The following GULP1 variants were observed in gnomAD, a reference collection of about 807,000 sequenced individuals.
GULP1 encodes the protein GULP PTB domain containing engulfment adaptor 1.
In GULP1, 19 loss-of-function variants were observed where a neutral mutation model predicts 40.9. The ratio of observed to expected loss-of-function variants is 0.46; its 90% CI spans 0.32 to 0.68. GULP1 has a LOEUF of 0.68. GULP1 is among the 30% of genes least tolerant of loss of function. GULP1 has a pLI of 0.03. For missense variants in GULP1, 312 were observed against 362.2 expected (o/e 0.86, Z 1.12); for synonymous variants, 119 against 117.6 (o/e 1.01, Z -0.08).
At chr2:188,524,910 T>A (rs2153229186) in intron 5 of GULP1, among the ~76,000 whole-genome samples, 1 of 151,890 alleles carries the variant, frequency 6.6e-6, no homozygotes, top group African/African-American at 2.4e-5. Flanking sequence ...ATTTACTCCT[T>A]TTTCAGCAAT....
rs1694770926 is a variant in GULP1, at chr2:188,556,386, T to C, written c.400-12853T>C. ...GTCCTTAAGTTCTAGAATTTCTCTT[T>C]CGTTCTTCTAAAACATATCTATCTC... On this transcript the variant is annotated intron_variant, in intron 7 of 11. Transcript: ENST00000409830. Among the ~76,000 whole-genome samples, 3 of 152,156 alleles carry C rather than the reference T, an allele frequency of 2.0e-5. No homozygotes were observed. In the South Asian group the frequency reaches 6.2e-4, roughly 32 times the overall value.
intron 4 of GULP1, among the ~76,000 whole-genome samples, chr2:188,514,393 C>T (rs755926307): frequency 4.6e-5 from 7 of 151,988 alleles, no homozygotes; most frequent in Non-Finnish European, 8.8e-5. Flanking sequence ...TGTCCTTCAG[C>T]TTAAAGTTGC....
chr2:188,544,705 A>T (rs1691446991), intron 7 of GULP1, among the ~76,000 whole-genome samples: 1 of 151,914 alleles, frequency 6.6e-6, no homozygotes. Flanking sequence ...AAGATTATAG[A>T]CTCAATAAAC....
intron 1 of GULP1, among the ~76,000 whole-genome samples, chr2:188,353,742 A>G (rs1212629466): frequency 6.6e-6 from 1 of 151,646 alleles, no homozygotes; most frequent in Admixed American, 6.6e-5. Flanking sequence ...CTAGAGTGGT[A>G]ATGTACCCTA....
At position 188,422,590 on chromosome 2, in the gene GULP1, T is replaced by C. The variant is rs192207578; in HGVS notation, c.-45+38701T>C. ...CATTTTAAATTATGAAACTCTGATA[T>C]GTTTTATTTATTATGTGCACATTTA... On this transcript the variant is annotated intron_variant, in intron 2 of 11. Transcript: ENST00000409830. Among the ~76,000 whole-genome samples the C allele has an allele frequency of 5.8e-3, 881 of 152,124 alleles. 3 individuals are homozygous for C. The highest frequency in any genetic ancestry group is 8.5e-3 in the Non-Finnish European group (574 of 67,926).
chr2:188,497,226 T>A (rs1383859776), intron 4 of GULP1, among the ~76,000 whole-genome samples: 1 of 152,036 alleles, frequency 6.6e-6, no homozygotes, highest in Non-Finnish European at 1.5e-5. Context: ...TAGCTTGAAC[T>A]TTTGTAATAA....
chr2:188,547,765 G>A (rs1403753800), intron 7 of GULP1, among the ~76,000 whole-genome samples: 4 of 152,024 alleles, frequency 2.6e-5, no homozygotes, highest in Non-Finnish European at 5.9e-5. Flanking sequence ...ACCATCACAT[G>A]CATTAAAAGA....
chr2:188,509,523 A>G (rs925132044), intron 4 of GULP1, among the ~76,000 whole-genome samples: 3 of 152,064 alleles, frequency 2.0e-5, no homozygotes, highest in African/African-American at 7.2e-5. Context: ...ACTATGCACC[A>G]CCTATCAAGA....
At chr2:188,572,179 C>A (rs1030161866) in intron 9 of GULP1, among the ~76,000 whole-genome samples, 16 of 152,086 alleles carry the variant, frequency 1.1e-4, no homozygotes, top group African/African-American at 3.9e-4. Context: ...TGTCTTTGAC[C>A]ATTTGGCTGA....
At chr2:188,364,538 A>G (rs900455340) in intron 1 of GULP1, among the ~76,000 whole-genome samples, 1 of 152,090 alleles carries the variant, frequency 6.6e-6, no homozygotes, top group Non-Finnish European at 1.5e-5. Flanking sequence ...ATGGAGCATT[A>G]TCATTTTCTC....
At chr2:188,517,900 T>C (rs1385631666) in intron 4 of GULP1, among the ~76,000 whole-genome samples, 1 of 152,026 alleles carries the variant, frequency 6.6e-6, no homozygotes, top group African/African-American at 2.4e-5. Flanking sequence ...TTACTAGCAT[T>C]TTGCAGCCCA....
chr2:188,517,250 A>C (rs954327215), intron 4 of GULP1, among the ~76,000 whole-genome samples: 2 of 152,192 alleles, frequency 1.3e-5, no homozygotes, highest in Non-Finnish European at 2.9e-5. Context: ...TAACTCCTAA[A>C]ATACAACCTG....
intron 2 of GULP1, among the ~76,000 whole-genome samples, chr2:188,435,045 CTGGTGGTTTTAATAGATA>C (rs376374481): frequency 3.3e-5 from 5 of 151,978 alleles, no homozygotes; most frequent in Admixed American, 6.6e-5. Flanking sequence ...ACTCTCAATT[CTGGTGGTTTTAATAGATA>C]GAAGTATAGC....
chr2:188,559,036 G>A (rs1695558198), intron 7 of GULP1, among the ~76,000 whole-genome samples: 1 of 152,186 alleles, frequency 6.6e-6, no homozygotes, highest in Non-Finnish European at 1.5e-5. Context: ...AAATTCAAGA[G>A]CAGCTACAGA....
intron 2 of GULP1, among the ~76,000 whole-genome samples, chr2:188,462,262 T>C (rs2059769133): frequency 6.6e-6 from 1 of 152,204 alleles, no homozygotes; most frequent in Non-Finnish European, 1.5e-5. Context: ...TGATTTCTAC[T>C]TTTATTCCAC....
At chr2:188,524,454 T>C (rs1685611447) in intron 5 of GULP1, among the ~76,000 whole-genome samples, 1 of 152,062 alleles carries the variant, frequency 6.6e-6, no homozygotes, top group Non-Finnish European at 1.5e-5. Flanking sequence ...TTTTCTCAAA[T>C]GTCTTCCAAA....
chr2:188,561,574 TAA>T (rs1267856849), intron 7 of GULP1, among the ~76,000 whole-genome samples: 6 of 152,172 alleles, frequency 3.9e-5, no homozygotes, highest in African/African-American at 1.4e-4. Context: ...GATCCTGGGC[TAA>T]GTCCTGGGGT....
intron 1 of GULP1, among the ~76,000 whole-genome samples, chr2:188,380,030 A>T (rs1485148856): frequency 6.6e-6 from 1 of 152,196 alleles, no homozygotes; most frequent in Non-Finnish European, 1.5e-5. Flanking sequence ...TTTTCCTCTC[A>T]CTAGTAACTA....
At chr2:188,399,696 A>AC (rs2051860247) in intron 2 of GULP1, among the ~76,000 whole-genome samples, 5 of 148,102 alleles carry the variant, frequency 3.4e-5, no homozygotes, top group Non-Finnish European at 7.5e-5. Context: ...ACAAGAAAAA[A>AC]AAAAAAAAAA....
Sources: gnomAD v4.1 joint callset for allele counts (sites outside exome capture counted in the v4.1 genomes callset) on GRCh38, gnomAD v4.1.1 for gene constraint, MANE v1.5 for transcripts, NCBI Gene and HGNC (gene_info 2026-07-23, HGNC 2026-07-21) for gene names.